Variants in RAD17 observed in about 807,000 individuals in gnomAD.
RAD17 encodes the protein cell cycle checkpoint protein RAD17.
In RAD17, 31 loss-of-function variants were observed where a neutral mutation model predicts 81.5. That is an observed-to-expected ratio of 0.38 (90% CI 0.29 to 0.51). RAD17 has a LOEUF of 0.51. Among genes scored for constraint, RAD17 ranks in the 20% least tolerant of loss-of-function variants. RAD17 has a pLI of 0.88. For synonymous variants in RAD17, 261 were observed against 266.2 expected, an observed-to-expected ratio of 0.98 and a Z score of 0.19; for missense variants, 681 against 781.2, an observed-to-expected ratio of 0.87 and a Z score of 1.53.
chr5:69,371,522 A>C lies in RAD17; in HGVS notation c.-211A>C. 6.9e-7 allele frequency: 1 copy of C among 1,457,792 alleles called. No individual in the cohort carries two copies. Among genetic ancestry groups the C allele is most frequent in the Non-Finnish European group, 9.2e-7 (1 of 1,088,164 alleles). 90.3% of individuals were successfully genotyped at this position (1,457,792 alleles called of 1,614,324 possible). On this transcript the variant is annotated 5_prime_UTR_variant, in exon 3 of 19. Coordinates refer to ENST00000354868, the MANE Select transcript of RAD17 (RefSeq NM_133338.3). ...GGAACTATTACAGTTTATAATGTCA[A>C]AAACTTTTCTTAGACCAAAGGTATC... is the stretch of plus-strand genomic sequence containing the variant.
chr5:69,391,627 A>G (rs1004609411), intron 12 of RAD17, among the ~76,000 whole-genome samples: 32 of 152,232 alleles, frequency 2.1e-4, no homozygotes, highest in Non-Finnish European at 3.2e-4. Context: ...CTGCATTATG[A>G]AATAACTTTC....
At chr5:69,380,597 AAAAT>A (rs1763792619) in intron 6 of RAD17, among the ~76,000 whole-genome samples, 1 of 152,140 alleles carries the variant, frequency 6.6e-6, no homozygotes, top group African/African-American at 2.4e-5. Flanking sequence ...TTATTAAAGG[AAAAT>A]AAACAAGAAT....
Position 69,407,562 on chromosome 5 carries a change from G to GTTTTTTTTT in RAD17, c.1694-2908_1694-2900dup, listed in dbSNP as rs550222595. ...CTTCTATATGTCAATCTATGTCCAA[G>GTTTTTTTTT]TTTTTTTTTTTTTTTTTTTTTTTTT... On this transcript the variant is annotated intron_variant, in intron 17 of 18. Coordinates refer to ENST00000354868, the MANE Select transcript of RAD17 (RefSeq NM_133338.3). 8.3e-4 allele frequency among the ~76,000 whole-genome samples: 34 copies of GTTTTTTTTT among 40,926 alleles called. 12 individuals are homozygous for GTTTTTTTTT. The highest frequency in any genetic ancestry group is 4.1e-3 in the East Asian group (4 of 986). 26.8% of individuals were successfully genotyped at this position (40,926 alleles called of 152,430 possible).
chr5:69,380,730 C>T (rs917120985), intron 6 of RAD17, among the ~76,000 whole-genome samples: 2 of 150,912 alleles, frequency 1.3e-5, no homozygotes, highest in Non-Finnish European at 1.5e-5. Context: ...TCTAGTCTCT[C>T]GTTAGAGTCC....
chr5:69,414,224 C>G lies in RAD17; in HGVS notation c.1945C>G (p.Pro649Ala). 2.5e-6 allele frequency: 4 copies of G among 1,614,140 alleles called. No individual in the cohort carries two copies. Among genetic ancestry groups the G allele is most frequent in the Non-Finnish European group, 3.4e-6 (4 of 1,179,970 alleles). Residue 649 changes from proline to alanine, a missense_variant, in exon 19 of 19, where the codon CCC (proline) becomes GCC (alanine). By Grantham distance (27) the Pro-to-Ala change is conservative. Coordinates refer to ENST00000354868, the MANE Select transcript of RAD17 (RefSeq NM_133338.3). ...ASELPASQPQ[P>A]FSAQGDMEEN... ...TGAACTGCCTGCTAGCCAGCCCCAGCCCTTTTCAGCCCAAGGAGACATGGA... is the reference window on the plus strand; with the variant it reads ...TGAACTGCCTGCTAGCCAGCCCCAGGCCTTTTCAGCCCAAGGAGACATGGA...
chr5:69,387,781 C>T (rs1051987748), intron 11 of RAD17, among the ~76,000 whole-genome samples: 4 of 152,018 alleles, frequency 2.6e-5, no homozygotes, highest in Non-Finnish European at 4.4e-5. Context: ...AGCTTGAACC[C>T]AGGGGGTGGA....
rs373350913 is a variant in RAD17, at chr5:69,369,847, G to T, written c.-503G>T. The T allele has an allele frequency of 1.5e-5, 12 of 810,032 alleles. No homozygotes were observed. In the East Asian group the frequency reaches 2.5e-4, roughly 17 times the overall value. 50.2% of individuals were successfully genotyped at this position (810,032 alleles called of 1,614,324 possible). On this transcript the variant is annotated 5_prime_UTR_variant, in exon 1 of 19. Transcript: ENST00000354868. ...CTCCGAGAGGCTCGGCGTTGAGCCCGGGTAGGGCCAGGTGGCTGCCCTTTC... is the reference window on the plus strand; with the variant it reads ...CTCCGAGAGGCTCGGCGTTGAGCCCTGGTAGGGCCAGGTGGCTGCCCTTTC...
intron 11 of RAD17, 31 bp from the exon 12 acceptor site, chr5:69,389,003 C>CTT: frequency 8.5e-7 from 1 of 1,181,124 alleles, no homozygotes; most frequent in Non-Finnish European, 1.1e-6. Context: ...TAAGAAAATA[C>CTT]TTTTTTTTAA....
Position 69,396,416 on chromosome 5 carries a change from A to G in RAD17, c.1442A>G (p.Glu481Gly). Residue 481 changes from glutamate (E) to glycine (G), a missense_variant, in exon 16 of 19, where the codon GAA becomes GGA. Glu to Gly is a moderately conservative substitution (Grantham distance 98). Transcript: ENST00000354868. ...GDWNTRSLLR[E>G]YSTSIATRGV... is the part of the protein sequence containing the mutation. ...TGTTAGACACGCTCTTTACTCAGGG[A>G]ATATAGCACATCTATAGCTACGAGA... 1.2e-6 allele frequency: 2 copies of G among 1,612,630 alleles called. No homozygotes were observed.
intron 18 of RAD17, among the ~76,000 whole-genome samples, chr5:69,410,990 TATATATAC>T (rs1214732048): frequency 7.6e-5 from 11 of 144,470 alleles, no homozygotes; most frequent in Non-Finnish European, 1.2e-4. Context: ...TATATATATA[TATATATAC>T]TGTTCATTTT....
chr5:69,414,345 CAGTGGTACTTCAGCAG>C lies in RAD17; in HGVS notation c.*57_*72del. On this transcript the variant is annotated 3_prime_UTR_variant, in exon 19 of 19. Transcript: ENST00000354868. Reference sequence around the variant, plus strand: ...TTCACAGCTTCATTTTTGTTTCATTCAGTGGTACTTCAGCAGAGTTAATATGCTTTTCTGATGAATT... The same window carrying C: ...TTCACAGCTTCATTTTTGTTTCATTCAGTTAATATGCTTTTCTGATGAATT... 2.6e-6 allele frequency: 4 copies of C among 1,560,332 alleles called. No homozygotes were observed. In the Admixed American group the frequency reaches 6.9e-5, roughly 27 times the overall value.
At chr5:69,410,429 C>T (rs1765895413) in intron 17 of RAD17, 64 bp from the exon 18 acceptor site, 1 of 1,304,354 alleles carries the variant, frequency 7.7e-7, no homozygotes, top group African/African-American at 1.5e-5. Flanking sequence ...TTTTCAGGTG[C>T]TTATTGGCCA....
chr5:69,396,918 C>T (rs866505469), intron 16 of RAD17, among the ~76,000 whole-genome samples: 9 of 151,664 alleles, frequency 5.9e-5, no homozygotes, highest in African/African-American at 1.7e-4. Flanking sequence ...CTGCAACCTC[C>T]GCCTCCCGGG....
intron 17 of RAD17, among the ~76,000 whole-genome samples, chr5:69,402,580 G>A (rs563633937): frequency 4.6e-5 from 7 of 151,742 alleles, no homozygotes; most frequent in South Asian, 2.1e-4. Context: ...GTATGAACCC[G>A]GGAGGCGGAG....
intron 7 of RAD17, among the ~76,000 whole-genome samples, chr5:69,383,762 C>T (rs1461106418): frequency 1.3e-5 from 2 of 152,106 alleles, no homozygotes; most frequent in East Asian, 3.9e-4. Context: ...GGGATTCTCA[C>T]GACCCAACCT....
In RAD17 at chr5:69,414,446, C is replaced by G. The variant is rs551671924; in HGVS notation, c.*154C>G. Reference sequence around the variant, plus strand: ...ATTTCATCACAAGAAACCTACTCTTCTGTCATCTTGAAGTAAATAGAAGAT... The same window carrying G: ...ATTTCATCACAAGAAACCTACTCTTGTGTCATCTTGAAGTAAATAGAAGAT... On this transcript the variant is annotated 3_prime_UTR_variant, in exon 19 of 19. Coordinates refer to ENST00000354868, the MANE Select transcript of RAD17 (RefSeq NM_133338.3). The G allele has an allele frequency of 3.4e-6, 3 of 873,450 alleles. No homozygotes were observed. The highest frequency in any genetic ancestry group is 5.1e-6 in the Non-Finnish European group (3 of 584,658). 54.1% of individuals were successfully genotyped at this position (873,450 alleles called of 1,614,324 possible).
intron 17 of RAD17, among the ~76,000 whole-genome samples, chr5:69,405,687 A>C (rs1013525831): frequency 8.6e-5 from 13 of 151,394 alleles, no homozygotes; most frequent in South Asian, 2.1e-4. Flanking sequence ...CAAAAAAAAA[A>C]CTCTAAAAAT....
Position 69,377,697 on chromosome 5 carries a change from A to G in RAD17, c.351+2986A>G, listed in dbSNP as rs6885041. On this transcript the variant is annotated intron_variant, in intron 6 of 18. Coordinates refer to ENST00000354868, the MANE Select transcript of RAD17 (RefSeq NM_133338.3). ...TATATGCATATATATATATGTATAC[A>G]TATATATATGTATTGGGAAAAGTAT... is the stretch of plus-strand genomic sequence containing the variant. Among the ~76,000 whole-genome samples the G allele has an allele frequency of 4.9e-5, 5 of 103,024 alleles. 1 individual carries two copies. Among genetic ancestry groups the G allele is most frequent in the African/African-American group, 1.8e-4 (5 of 27,154 alleles). 67.6% of individuals were successfully genotyped at this position (103,024 alleles called of 152,430 possible).
intron 12 of RAD17, among the ~76,000 whole-genome samples, chr5:69,391,435 C>T (rs763260066): frequency 7.9e-5 from 12 of 152,098 alleles, no homozygotes; most frequent in South Asian, 2.1e-4. Flanking sequence ...TTGCATTATA[C>T]GAATTGAAAA....
Sources: allele counts gnomAD v4.1 joint callset (sites outside exome capture counted in the v4.1 genomes callset), GRCh38; gene constraint gnomAD v4.1.1; transcripts MANE v1.5; gene names NCBI Gene and HGNC (gene_info 2026-07-23, HGNC 2026-07-21).